NT5DC3: variants seen among roughly 807,000 people sequenced by gnomAD.
NT5DC3 encodes 5'-nucleotidase domain containing 3.
A neutral mutation model predicts 67.8 loss-of-function variants in NT5DC3; 42 were observed. That is an observed-to-expected ratio of 0.62 (90% CI 0.48 to 0.80). The LOEUF is 0.80. Ranked by LOEUF, NT5DC3 falls within the 30% of genes least tolerant of loss-of-function variation. NT5DC3 has a pLI of 0.00. For missense variants in NT5DC3, 570 were observed against 696.4 expected (o/e 0.82, Z 2.04); for synonymous variants, 237 against 255.6 (o/e 0.93, Z 0.69).
the NT5DC3 span, among the ~76,000 whole-genome samples, chr12:103,751,295 T>C: frequency 6.6e-6 from 1 of 152,016 alleles, no homozygotes. Context: ...CAGGAGAGAA[T>C]GATCAAGGGT....
chr12:103,754,307 C>T, the NT5DC3 span, among the ~76,000 whole-genome samples: 1 of 152,056 alleles, frequency 6.6e-6, no homozygotes, highest in Admixed American at 6.6e-5. Flanking sequence ...TAATATGGCA[C>T]ACAGTAGGAA....
chr12:103,820,784 T>G (rs1007778894), intron 1 of NT5DC3: 13 of 152,258 alleles, frequency 8.5e-5, no homozygotes, highest in Non-Finnish European at 1.3e-4. Context: ...TTACTTGCTC[T>G]CATCGTTATC....
chr12:103,755,279 T>C, the NT5DC3 span: 7 of 1,611,298 alleles, frequency 4.3e-6, no homozygotes, highest in East Asian at 1.6e-4. Context: ...AGCTGACCCA[T>C]GGCCCTGTCT....
intron 6 of NT5DC3, among the ~76,000 whole-genome samples, chr12:103,796,400 C>T (rs1886316792): frequency 6.6e-6 from 1 of 152,198 alleles, no homozygotes; most frequent in African/African-American, 2.4e-5. Context: ...GCCTGTAATC[C>T]CAGCTACTTG....
intron 4 of NT5DC3, among the ~76,000 whole-genome samples, chr12:103,804,578 T>C (rs1214514641): frequency 1.3e-5 from 2 of 151,948 alleles, no homozygotes; most frequent in Non-Finnish European, 2.9e-5. Context: ...GACAAATTAT[T>C]GAAAACATTT....
In NT5DC3 at chr12:103,772,698, T is replaced by C. The variant is rs1885216255; in HGVS notation, c.*5131A>G. The C allele has an allele frequency of 6.6e-6, 1 of 152,272 alleles. No individual in the cohort carries two copies. The highest frequency in any genetic ancestry group is 2.1e-4 in the South Asian group (1 of 4,832). The allele number at this position is 152,272 out of a possible 1,614,324, so 9.4% of individuals were successfully genotyped here. ...AGGTCTCACTGACCCCACAAGGGGC[T>C]CTGGAGCTGGGATGGCCCCAGAGGG... is the stretch of plus-strand genomic sequence containing the variant. On this transcript the variant is annotated 3_prime_UTR_variant, in exon 14 of 14. Transcript: ENST00000392876.
At chr12:103,834,097 C>T (rs1888046445) in intron 1 of NT5DC3, among the ~76,000 whole-genome samples, 1 of 152,058 alleles carries the variant, frequency 6.6e-6, no homozygotes, top group African/African-American at 2.4e-5. Context: ...AGCAGCACCC[C>T]TCTCCCCTGG....
At chr12:103,827,146 G>A (rs1289551184) in intron 1 of NT5DC3, among the ~76,000 whole-genome samples, 6 of 152,190 alleles carry the variant, frequency 3.9e-5, no homozygotes, top group African/African-American at 1.4e-4. Flanking sequence ...TCGGGAAGCT[G>A]AGGCAGGAGA....
At chr12:103,758,450 G>A in the NT5DC3 span, among the ~76,000 whole-genome samples, 19 of 149,404 alleles carry the variant, frequency 1.3e-4, no homozygotes, top group African/African-American at 4.2e-4. Flanking sequence ...TGGCACACTC[G>A]GGTCTGAGAC....
In NT5DC3 at chr12:103,775,726, T is replaced by C. The variant is rs1593376669; in HGVS notation, c.*2103A>G. 8.1e-6 allele frequency: 1 copy of C among 123,706 alleles called. No homozygotes were observed. The highest frequency in any genetic ancestry group is 8.6e-5 in the Admixed American group (1 of 11,664). The allele number at this position is 123,706 out of a possible 1,614,324, so 7.7% of individuals were successfully genotyped here. ...TGTGTTCATAACAAAATGTAGAAGA[T>C]GGGGAGAAGCCTTATTGGATCTAAA... On this transcript the variant is annotated 3_prime_UTR_variant, in exon 14 of 14. Coordinates refer to ENST00000392876, the MANE Select transcript of NT5DC3 (RefSeq NM_001031701.3).
chr12:103,780,768 T>C (rs1885517013), intron 12 of NT5DC3, among the ~76,000 whole-genome samples: 1 of 152,238 alleles, frequency 6.6e-6, no homozygotes, highest in Non-Finnish European at 1.5e-5. Flanking sequence ...AAATACTTAG[T>C]ACATGCTACC....
intron 2 of NT5DC3, among the ~76,000 whole-genome samples, chr12:103,810,267 C>T (rs1375989088): frequency 6.6e-6 from 1 of 152,168 alleles, no homozygotes; most frequent in East Asian, 1.9e-4. Context: ...TCTCCCCATA[C>T]AACCAGCCTA....
intron 13 of NT5DC3, 64 bp downstream of exon 13, chr12:103,780,236 A>G: frequency 1.4e-6 from 2 of 1,388,470 alleles, no homozygotes. Context: ...TGGGGAACAC[A>G]TGTGGGCTGA....
chr12:103,817,766 T>C (rs1015777718), intron 1 of NT5DC3, among the ~76,000 whole-genome samples: 2 of 152,014 alleles, frequency 1.3e-5, no homozygotes, highest in Admixed American at 6.6e-5. Context: ...CCAGAATCTA[T>C]GTTCTTAACT....
At chr12:103,824,398 G>A (rs1162713772) in intron 1 of NT5DC3, among the ~76,000 whole-genome samples, 1 of 152,210 alleles carries the variant, frequency 6.6e-6, no homozygotes, top group Non-Finnish European at 1.5e-5. Flanking sequence ...CGGTGAAAGT[G>A]AACACTGATA....
Position 103,800,592 on chromosome 12 carries a change from C to T in NT5DC3, c.525-1915G>A, listed in dbSNP as rs145181829. 5.0e-3 allele frequency among the ~76,000 whole-genome samples: 755 copies of T among 152,346 alleles called. 5 individuals carry two copies. Among genetic ancestry groups the T allele is most frequent in the Non-Finnish European group, 8.4e-3 (573 of 68,034 alleles). On this transcript the variant is annotated intron_variant, in intron 4 of 13. Transcript: ENST00000392876. Reference sequence around the variant, plus strand: ...AGCAACCAAATGGCGGCTCAGAAGACGCAGTGAAATCTGCCAGCTGAATTC... The same window carrying T: ...AGCAACCAAATGGCGGCTCAGAAGATGCAGTGAAATCTGCCAGCTGAATTC...
downstream of NT5DC3, among the ~76,000 whole-genome samples, chr12:103,767,102 A>AAGAT (rs1378470203): frequency 2.0e-5 from 3 of 152,264 alleles, no homozygotes; most frequent in South Asian, 2.1e-4. Context: ...GACAGAAATC[A>AAGAT]AGATATGTCC....
intron 1 of NT5DC3, among the ~76,000 whole-genome samples, chr12:103,815,453 G>T: frequency 6.6e-6 from 1 of 152,100 alleles, no homozygotes; most frequent in South Asian, 2.1e-4. Flanking sequence ...ATAAGGTCTC[G>T]CTCTGTTAAC....
rs765004462 is a variant in NT5DC3, at chr12:103,797,026, A to G, written c.621T>C (p.Ser207=). ...TGAACTGCTTCATCGTGTTTCCATG[A>G]GAGCTCTGCAGACAGGGTGGAAGGA... ...EQMSDFYGKS[S]HGNTMKQFMD... is the part of the protein sequence containing the mutation. The change falls in exon 6 of 14, where the codon TCT becomes TCC. Residue 207 remains serine, a synonymous_variant. Coordinates refer to ENST00000392876, the MANE Select transcript of NT5DC3 (RefSeq NM_001031701.3). 6.2e-7 allele frequency: 1 copy of G among 1,614,148 alleles called. No homozygotes were observed. The highest frequency in any genetic ancestry group is 1.1e-5 in the South Asian group (1 of 91,078).
Sources: allele counts gnomAD v4.1 joint callset (sites outside exome capture counted in the v4.1 genomes callset), GRCh38; gene constraint gnomAD v4.1.1; transcripts MANE v1.5; gene names NCBI Gene and HGNC (gene_info 2026-07-23, HGNC 2026-07-21).